ACSBG2: variants seen among roughly 807,000 people sequenced by gnomAD.
The protein encoded by ACSBG2 is long-chain-fatty-acid--CoA ligase ACSBG2.
ACSBG2 carries 62 observed loss-of-function variants against 74.7 expected under a neutral mutation model. The observed-to-expected ratio is 0.83, with a 90% CI of 0.68 to 1.03. The LOEUF (loss-of-function observed/expected upper bound fraction) is 1.03. Among genes scored for constraint, ACSBG2 ranks in the 50% least tolerant of loss-of-function variants. The pLI is 0.00. For synonymous variants in ACSBG2, 309 were observed against 294.1 expected (o/e 1.05, Z -0.52); for missense variants, 730 against 817.6 (o/e 0.89, Z 1.31).
At chr19:6,179,293 A>ATTTTTTT (rs1169472742) in intron 8 of ACSBG2, among the ~76,000 whole-genome samples, 2 of 118,594 alleles carry the variant, frequency 1.7e-5, no homozygotes, top group African/African-American at 6.2e-5. Flanking sequence ...TCTTTTCTAA[A>ATTTTTTT]TTTTTTTTTT....
chr19:6,179,292 A>AT (rs2090176325), intron 8 of ACSBG2, among the ~76,000 whole-genome samples: 2 of 128,052 alleles, frequency 1.6e-5, no homozygotes, highest in East Asian at 2.2e-4. Context: ...TTCTTTTCTA[A>AT]ATTTTTTTTT....
intron 8 of ACSBG2, among the ~76,000 whole-genome samples, chr19:6,181,099 C>A (rs2090236107): frequency 6.7e-6 from 1 of 149,274 alleles, no homozygotes; most frequent in Non-Finnish European, 1.5e-5. Flanking sequence ...TGGTGTGCAC[C>A]TGTAAGCCCA....
At chr19:6,149,785 G>T (rs1449177690) in intron 3 of ACSBG2, among the ~76,000 whole-genome samples, 1 of 144,276 alleles carries the variant, frequency 6.9e-6, no homozygotes, top group Non-Finnish European at 1.5e-5. Flanking sequence ...TGGGATTACA[G>T]GTGTGAGCCA....
chr19:6,163,703 G>A (rs997555701), intron 6 of ACSBG2, among the ~76,000 whole-genome samples: 11 of 149,862 alleles, frequency 7.3e-5, no homozygotes, highest in African/African-American at 9.8e-5. Flanking sequence ...AGCAGTGAGC[G>A]GAGATCACGC....
intron 5 of ACSBG2, among the ~76,000 whole-genome samples, chr19:6,160,253 G>A (rs890383560): frequency 1.3e-5 from 2 of 152,012 alleles, no homozygotes; most frequent in Non-Finnish European, 2.9e-5. Context: ...AGCCAAGCAT[G>A]GTGGCGGGCG....
At chr19:6,181,108 C>T (rs967827977) in intron 8 of ACSBG2, among the ~76,000 whole-genome samples, 6 of 148,764 alleles carry the variant, frequency 4.0e-5, no homozygotes, top group Non-Finnish European at 8.9e-5. Context: ...CCTGTAAGCC[C>T]AGCTACTCAG....
rs777576026 is a variant in ACSBG2 at position 6,182,788 on chromosome 19, CT to C, written c.945del (p.Val316SerfsTer16). ...AGTACTCTAAAGGAGGTAAAACCTACTGTCTTCATTGGAGTGCCTCAAATTT... is the reference window on the plus strand; with the variant it reads ...AGTACTCTAAAGGAGGTAAAACCTACGTCTTCATTGGAGTGCCTCAAATTT... The part of the protein sequence containing the change: ...LVSTLKEVKP[T>X]VFIGVPQIWE... On this transcript the variant is annotated frameshift_variant, in exon 9 of 15. Coordinates refer to ENST00000588485, the MANE Select transcript of ACSBG2 (RefSeq NM_030924.5). LOFTEE classifies it high-confidence loss of function. 5.6e-6 allele frequency: 9 copies of C among 1,614,108 alleles called. No individual in the cohort carries two copies. The African/African-American group carries it at 1.1e-4, about 19-fold the overall frequency.
chr19:6,187,444 T>C, intron 12 of ACSBG2, 22 bp downstream of exon 12: 1 of 1,613,512 alleles, frequency 6.2e-7, no homozygotes, highest in Non-Finnish European at 8.5e-7. Context: ...TTGCTGTCAT[T>C]GGGGGAAGTC....
At chr19:6,148,855 C>A (rs575547543) in intron 3 of ACSBG2, among the ~76,000 whole-genome samples, 1 of 152,074 alleles carries the variant, frequency 6.6e-6, no homozygotes, top group East Asian at 1.9e-4. Flanking sequence ...GTAATCCCAG[C>A]ACTTTGGGAG....
chr19:6,142,413 A>G (rs1209174131), intron 2 of ACSBG2, among the ~76,000 whole-genome samples: 1 of 152,112 alleles, frequency 6.6e-6, no homozygotes, highest in Non-Finnish European at 1.5e-5. Flanking sequence ...GCCATTATCC[A>G]GGCTCTTGAC....
At chr19:6,146,798 TA>T (rs200908889) in intron 2 of ACSBG2, among the ~76,000 whole-genome samples, 15 of 133,166 alleles carry the variant, frequency 1.1e-4, no homozygotes, top group Non-Finnish European at 2.4e-4. Context: ...AAAATAATAA[TA>T]AAAAAAATAA....
intron 10 of ACSBG2, among the ~76,000 whole-genome samples, chr19:6,184,926 T>C (rs943063718): frequency 6.6e-6 from 1 of 150,802 alleles, no homozygotes; most frequent in African/African-American, 2.4e-5. Context: ...GTTTTTGTTT[T>C]TGTTTTTGTT....
chr19:6,140,191 C>T (rs1454511140), intron 1 of ACSBG2, among the ~76,000 whole-genome samples: 2 of 150,322 alleles, frequency 1.3e-5, no homozygotes, highest in African/African-American at 4.9e-5. Context: ...AGCCACTGCA[C>T]TCCAGCCTGG....
At chr19:6,165,178 T>G (rs1377359809) in intron 6 of ACSBG2, among the ~76,000 whole-genome samples, 1 of 152,192 alleles carries the variant, frequency 6.6e-6, no homozygotes, top group African/African-American at 2.4e-5. Flanking sequence ...GTGCCCAGGC[T>G]CTATTTTCCT....
At chr19:6,148,559 C>G (rs2089124598) in intron 3 of ACSBG2, among the ~76,000 whole-genome samples, 1 of 151,714 alleles carries the variant, frequency 6.6e-6, no homozygotes, top group Non-Finnish European at 1.5e-5. Flanking sequence ...GTGGGAGGAT[C>G]ACTTGAGCCT....
At chr19:6,190,831 AC>A in intron 14 of ACSBG2, 139 bp downstream of exon 14, 1 of 555,488 alleles carries the variant, frequency 1.8e-6, no homozygotes, top group Non-Finnish European at 3.3e-6. Flanking sequence ...ACACACACAC[AC>A]ACACACACAC....
At chr19:6,152,932 G>T (rs2089287544) in intron 4 of ACSBG2, among the ~76,000 whole-genome samples, 2 of 152,132 alleles carry the variant, frequency 1.3e-5, no homozygotes, top group South Asian at 4.1e-4. Flanking sequence ...ACACTGTATG[G>T]TTACAACTAT....
rs191585864 is a variant in ACSBG2, at chr19:6,163,597, C to T, written c.589-2269C>T. 2.4e-3 allele frequency among the ~76,000 whole-genome samples: 360 copies of T among 151,238 alleles called. 6 individuals are homozygous for T. Among genetic ancestry groups the T allele is most frequent in the Admixed American group, 0.021 (317 of 15,162 alleles). ...CTCTACTAAAAATACAAAAATTAGC[C>T]GGGCGTGGTGGCACGCACCTGTAGT... On this transcript the variant is annotated intron_variant, in intron 6 of 14. Coordinates refer to ENST00000588485, the MANE Select transcript of ACSBG2 (RefSeq NM_030924.5).
chr19:6,179,611 A>G (rs1329760219), intron 8 of ACSBG2, among the ~76,000 whole-genome samples: 1 of 152,078 alleles, frequency 6.6e-6, no homozygotes, highest in Middle Eastern at 3.2e-3. Flanking sequence ...ACTTAAAACA[A>G]TATTTATTTA....
Sources: allele counts gnomAD v4.1 joint callset (sites outside exome capture counted in the v4.1 genomes callset), GRCh38; gene constraint gnomAD v4.1.1; transcripts MANE v1.5; gene names NCBI Gene and HGNC (gene_info 2026-07-23, HGNC 2026-07-21).